PABPC4L: variants seen among roughly 807,000 people sequenced by gnomAD.
The protein encoded by PABPC4L is polyadenylate-binding protein 4-like.
For synonymous variants in PABPC4L, 169 were observed against 164.1 expected (o/e 1.03, Z -0.23); for missense variants, 452 against 451.4 (o/e 1.00, Z -0.01).
chr4:134,163,342 G>T, the PABPC4L span, among the ~76,000 whole-genome samples: 1 of 151,912 alleles, frequency 6.6e-6, no homozygotes, highest in African/African-American at 2.4e-5. Flanking sequence ...CCAATAATAA[G>T]CAGTGAGACT....
In PABPC4L at chr4:134,196,395, G is replaced by A. The variant is rs1325419486; in HGVS notation, c.*3512C>T. ...CTCAGTGGATCTATAACAATATTGAGAACATGAAAATGACAATATTAAATC... is the reference window on the plus strand; with the variant it reads ...CTCAGTGGATCTATAACAATATTGAAAACATGAAAATGACAATATTAAATC... On this transcript the variant is annotated 3_prime_UTR_variant, in exon 2 of 2. Coordinates refer to ENST00000421491, the MANE Select transcript of PABPC4L (RefSeq NM_001114734.2). The A allele has an allele frequency of 2.0e-5, 3 of 151,268 alleles. No homozygotes were observed. The highest frequency in any genetic ancestry group is 4.4e-5 in the Non-Finnish European group (3 of 67,566). 9.4% of individuals were successfully genotyped at this position (151,268 alleles called of 1,614,324 possible). A position where few individuals can be genotyped will look rare whatever the true frequency, so the allele number is the denominator to read the frequency against.
chr4:134,098,665 G>T, the PABPC4L span, among the ~76,000 whole-genome samples: 4 of 151,758 alleles, frequency 2.6e-5, no homozygotes, highest in African/African-American at 9.6e-5. Flanking sequence ...TAGTTGGTAT[G>T]TAAGCTTATG....
chr4:134,143,425 T>G, the PABPC4L span, among the ~76,000 whole-genome samples: 2 of 150,278 alleles, frequency 1.3e-5, no homozygotes, highest in African/African-American at 4.9e-5. Flanking sequence ...TATATTCTTG[T>G]TTAAATTGCT....
the PABPC4L span, among the ~76,000 whole-genome samples, chr4:134,073,256 A>C: frequency 6.6e-6 from 1 of 152,172 alleles, no homozygotes; most frequent in Non-Finnish European, 1.5e-5. Context: ...ACCTGTTCCA[A>C]ATGGGAAAAC....
At chr4:134,181,917 T>C in the PABPC4L span, among the ~76,000 whole-genome samples, 1 of 151,178 alleles carries the variant, frequency 6.6e-6, no homozygotes, top group East Asian at 1.9e-4. Flanking sequence ...AGATAGGAAG[T>C]ATCAATATTG....
the PABPC4L span, among the ~76,000 whole-genome samples, chr4:134,043,462 T>C: frequency 1.3e-5 from 2 of 152,066 alleles, no homozygotes; most frequent in African/African-American, 2.4e-5. Context: ...TTTTGGAAAA[T>C]ACTATTATGT....
the PABPC4L span, among the ~76,000 whole-genome samples, chr4:134,003,296 A>G: frequency 6.6e-6 from 1 of 151,864 alleles, no homozygotes; most frequent in Admixed American, 6.6e-5. Context: ...ATTTTTTCCA[A>G]CTCATGGAGA....
chr4:134,064,103 C>T, the PABPC4L span, among the ~76,000 whole-genome samples: 18 of 151,754 alleles, frequency 1.2e-4, no homozygotes, highest in African/African-American at 1.5e-4. Flanking sequence ...TTATTCTCCA[C>T]GATAATTAGG....
chr4:133,962,354 C>T, the PABPC4L span, among the ~76,000 whole-genome samples: 8 of 152,072 alleles, frequency 5.3e-5, no homozygotes, highest in Admixed American at 3.3e-4. Context: ...CAGAGAAAGG[C>T]GAAGCCCAAT....
the PABPC4L span, among the ~76,000 whole-genome samples, chr4:134,163,154 T>C: frequency 6.6e-6 from 1 of 152,080 alleles, no homozygotes; most frequent in Non-Finnish European, 1.5e-5. Context: ...ATAAGCTCAA[T>C]TAGAAATGCA....
the PABPC4L span, among the ~76,000 whole-genome samples, chr4:134,160,494 G>A: frequency 2.0e-5 from 3 of 152,128 alleles, no homozygotes; most frequent in African/African-American, 4.8e-5. Flanking sequence ...ATGGAAAGAA[G>A]GATAAGTACA....
At chr4:134,041,751 C>A in the PABPC4L span, among the ~76,000 whole-genome samples, 2 of 151,946 alleles carry the variant, frequency 1.3e-5, no homozygotes, top group South Asian at 2.1e-4. Flanking sequence ...TCAGAATGTT[C>A]ATTACTGAAA....
the PABPC4L span, among the ~76,000 whole-genome samples, chr4:134,165,099 G>T: frequency 6.6e-6 from 1 of 152,138 alleles, no homozygotes; most frequent in East Asian, 1.9e-4. Context: ...GAATGAAACT[G>T]GATCCCCATC....
At chr4:133,990,298 AT>A in the PABPC4L span, among the ~76,000 whole-genome samples, 1 of 152,042 alleles carries the variant, frequency 6.6e-6, no homozygotes, top group African/African-American at 2.4e-5. Context: ...ATATTTCAAA[AT>A]TTTTCATTAT....
the PABPC4L span, among the ~76,000 whole-genome samples, chr4:134,191,328 A>G: frequency 6.6e-6 from 1 of 152,122 alleles, no homozygotes; most frequent in Non-Finnish European, 1.5e-5. Flanking sequence ...GAACAACAGT[A>G]TATACCAACT....
At chr4:134,130,936 A>G in the PABPC4L span, among the ~76,000 whole-genome samples, 2 of 152,182 alleles carry the variant, frequency 1.3e-5, no homozygotes, top group African/African-American at 2.4e-5. Flanking sequence ...ATTAAAAACA[A>G]AAATCACACG....
At chr4:134,037,596 G>A in the PABPC4L span, among the ~76,000 whole-genome samples, 1 of 151,986 alleles carries the variant, frequency 6.6e-6, no homozygotes, top group Non-Finnish European at 1.5e-5. Context: ...CCATTGAAAA[G>A]TGAGCAAAAG....
the PABPC4L span, among the ~76,000 whole-genome samples, chr4:134,131,328 TA>T: frequency 6.6e-6 from 1 of 151,996 alleles, no homozygotes; most frequent in Non-Finnish European, 1.5e-5. Context: ...CTAGATATAG[TA>T]AGTGAGTTCA....
the PABPC4L span, among the ~76,000 whole-genome samples, chr4:134,174,999 G>A: frequency 6.6e-6 from 1 of 151,944 alleles, no homozygotes; most frequent in South Asian, 2.1e-4. Context: ...ATTATTTTAT[G>A]GCCATGTGTT....
Sources: allele counts gnomAD v4.1 joint callset (sites outside exome capture counted in the v4.1 genomes callset), GRCh38; gene constraint gnomAD v4.1.1; transcripts MANE v1.5; gene names NCBI Gene and HGNC (gene_info 2026-07-23, HGNC 2026-07-21).